The following SGCD variants were observed in gnomAD, a reference collection of about 807,000 sequenced individuals.
SGCD encodes sarcoglycan delta.
SGCD carries 18 observed loss-of-function variants against 36.6 expected under a neutral mutation model. That is an observed-to-expected ratio of 0.49 (90% CI 0.34 to 0.73). The LOEUF (loss-of-function observed/expected upper bound fraction) is 0.73, where lower values mean the gene tolerates loss of function less well. SGCD is among the 30% of genes least tolerant of loss of function. SGCD has a pLI of 0.01. For synonymous variants in SGCD, 133 were observed against 130.6 expected (o/e 1.02, Z -0.12); for missense variants, 387 against 346.7 (o/e 1.12, Z -0.92).
intron 3 of SGCD, among the ~76,000 whole-genome samples, chr5:156,290,486 A>G (rs1247072179): frequency 2.0e-5 from 3 of 151,444 alleles, no homozygotes; most frequent in Admixed American, 6.6e-5. Flanking sequence ...CAAGGTACTT[A>G]CTGTCTCCGA....
At chr5:155,828,351 C>T in the SGCD span, among the ~76,000 whole-genome samples, 21 of 152,248 alleles carry the variant, frequency 1.4e-4, no homozygotes, top group African/African-American at 4.6e-4. Context: ...CAGTTTGGCT[C>T]AATACCCATT....
rs190588427 is a variant in SGCD, at chr5:156,539,318, A to G, written c.294+30616A>G. Reference sequence around the variant, plus strand: ...CAGGTGGTTTGGGGTTACATGAATAAGTTTTTTAGTGGTGGTTTCTGAGAT... The same window carrying G: ...CAGGTGGTTTGGGGTTACATGAATAGGTTTTTTAGTGGTGGTTTCTGAGAT... On this transcript the variant is annotated intron_variant, in intron 4 of 8. Coordinates refer to ENST00000337851, the MANE Select transcript of SGCD (RefSeq NM_000337.6). Among the ~76,000 whole-genome samples, 5 of 152,026 alleles carry G rather than the reference A, an allele frequency of 3.3e-5. No homozygotes were observed. The South Asian group carries it at 1.0e-3, about 32-fold the overall frequency.
chr5:156,138,165 C>A (rs1262715549), intron 3 of SGCD, among the ~76,000 whole-genome samples: 3 of 152,104 alleles, frequency 2.0e-5, no homozygotes, highest in Non-Finnish European at 4.4e-5. Flanking sequence ...CTTTGGGAGG[C>A]CGAGGTGGGC....
chr5:156,366,434 G>A (rs1770111223), intron 3 of SGCD, among the ~76,000 whole-genome samples: 1 of 152,100 alleles, frequency 6.6e-6, no homozygotes, highest in South Asian at 2.1e-4. Flanking sequence ...AATCACCCAG[G>A]AAATGTACAG....
intron 1 of SGCD, among the ~76,000 whole-genome samples, chr5:156,034,644 G>T (rs1055477975): frequency 1.2e-4 from 19 of 152,126 alleles, no homozygotes; most frequent in Admixed American, 1.2e-3. Flanking sequence ...TTATTCTCAG[G>T]ATGTGAAATT....
At chr5:156,676,135 G>A (rs1270700728) in intron 7 of SGCD, among the ~76,000 whole-genome samples, 4 of 152,072 alleles carry the variant, frequency 2.6e-5, no homozygotes, top group African/African-American at 7.2e-5. Flanking sequence ...TCTTCAATAC[G>A]TTCATACAGT....
chr5:156,753,033 A>C (rs2113153050), intron 7 of SGCD, among the ~76,000 whole-genome samples: 1 of 152,198 alleles, frequency 6.6e-6, no homozygotes, highest in Admixed American at 6.5e-5. Flanking sequence ...CGTGCTTCTC[A>C]AAGTGTGGCC....
At chr5:156,144,196 A>G (rs1277076801) in intron 3 of SGCD, among the ~76,000 whole-genome samples, 1 of 152,084 alleles carries the variant, frequency 6.6e-6, no homozygotes, top group African/African-American at 2.4e-5. Context: ...CGCAATAAAC[A>G]TACGTGTCCA....
At chr5:156,642,923 G>A (rs547591683) in intron 6 of SGCD, among the ~76,000 whole-genome samples, 16 of 151,966 alleles carry the variant, frequency 1.1e-4, no homozygotes, top group African/African-American at 3.9e-4. Flanking sequence ...ACCAGGTTGT[G>A]ACTTCAAGTT....
At chr5:156,277,124 A>C (rs1172459533) in intron 3 of SGCD, among the ~76,000 whole-genome samples, 3 of 152,224 alleles carry the variant, frequency 2.0e-5, no homozygotes, top group African/African-American at 7.2e-5. Flanking sequence ...AATATCTTGA[A>C]GAATTTCAGA....
intron 3 of SGCD, among the ~76,000 whole-genome samples, chr5:156,271,913 A>T (rs1291823265): frequency 6.6e-6 from 1 of 152,232 alleles, no homozygotes; most frequent in Admixed American, 6.5e-5. Context: ...CTTAAAATTT[A>T]TGCTGAAAAG....
chr5:155,781,382 A>G, the SGCD span, among the ~76,000 whole-genome samples: 6 of 152,228 alleles, frequency 3.9e-5, no homozygotes, highest in African/African-American at 1.2e-4. Flanking sequence ...AGGGAAGGAC[A>G]TGGGAAGACG....
chr5:156,264,203 T>C (rs1353004061), intron 3 of SGCD, among the ~76,000 whole-genome samples: 1 of 152,080 alleles, frequency 6.6e-6, no homozygotes, highest in East Asian at 1.9e-4. Flanking sequence ...TTTCCAGAAA[T>C]AAAGTCAGGA....
At chr5:156,307,668 T>C (rs1767261934) in intron 3 of SGCD, among the ~76,000 whole-genome samples, 6 of 151,188 alleles carry the variant, frequency 4.0e-5, no homozygotes. Context: ...TCTCATTTCA[T>C]GTTATTCTTT....
At chr5:156,638,707 G>GT (rs1019892282) in intron 6 of SGCD, among the ~76,000 whole-genome samples, 2 of 151,320 alleles carry the variant, frequency 1.3e-5, no homozygotes, top group East Asian at 1.9e-4. Flanking sequence ...GGTTCCTTTT[G>GT]TTTTTTTTCA....
At chr5:156,188,575 G>GTGTCTACTGT (rs1419091715) in intron 3 of SGCD, among the ~76,000 whole-genome samples, 3 of 151,994 alleles carry the variant, frequency 2.0e-5, no homozygotes, top group Admixed American at 6.6e-5. Flanking sequence ...GCCATTGGTA[G>GTGTCTACTGT]TGTCTACTGT....
intron 3 of SGCD, among the ~76,000 whole-genome samples, chr5:156,293,122 A>G (rs771686654): frequency 1.3e-5 from 2 of 151,604 alleles, no homozygotes; most frequent in Non-Finnish European, 2.9e-5. Flanking sequence ...TGCAGTGGCT[A>G]TTCAGAAGGC....
the SGCD span, among the ~76,000 whole-genome samples, chr5:155,834,301 G>T: frequency 6.6e-6 from 1 of 152,176 alleles, no homozygotes; most frequent in African/African-American, 2.4e-5. Flanking sequence ...GATTTGAAAT[G>T]AGTATTTCTG....
At chr5:156,657,250 TTTA>T (rs1160468714) in intron 7 of SGCD, among the ~76,000 whole-genome samples, 1 of 152,060 alleles carries the variant, frequency 6.6e-6, no homozygotes, top group South Asian at 2.1e-4. Context: ...TTTATTTTAT[TTTA>T]TTATTATTAT....
Sources: allele counts gnomAD v4.1 joint callset (sites outside exome capture counted in the v4.1 genomes callset), GRCh38; gene constraint gnomAD v4.1.1; transcripts MANE v1.5; gene names NCBI Gene and HGNC (gene_info 2026-07-23, HGNC 2026-07-21).